The following FOXN3 variants were observed in gnomAD, a reference collection of about 807,000 sequenced individuals.
The protein encoded by FOXN3 is forkhead box N3, also known as forkhead box protein N3.
FOXN3 carries 7 observed loss-of-function variants against 38.4 expected under a neutral mutation model. That is an observed-to-expected ratio of 0.18 (90% CI 0.10 to 0.34). The LOEUF is 0.34. Among genes scored for constraint, FOXN3 ranks in the 10% least tolerant of loss-of-function variants. The pLI is 1.00. For synonymous variants in FOXN3, 230 were observed against 242.2 expected (o/e 0.95, Z 0.47); for missense variants, 456 against 613.4 (o/e 0.74, Z 2.71).
intron 4 of FOXN3, among the ~76,000 whole-genome samples, chr14:89,202,637 A>G (rs1888263675): frequency 6.6e-6 from 1 of 152,100 alleles, no homozygotes; most frequent in African/African-American, 2.4e-5. Flanking sequence ...TGTGGTCATG[A>G]GTGAGTTCTT....
chr14:89,289,395 G>T (rs955375845), intron 3 of FOXN3, among the ~76,000 whole-genome samples: 10 of 152,040 alleles, frequency 6.6e-5, no homozygotes, highest in African/African-American at 2.4e-4. Context: ...AAACATTAAA[G>T]ACACCATTTA....
At position 89,219,182 on chromosome 14, in the gene FOXN3, A is replaced by T. The variant is rs529160448; in HGVS notation, c.746-38376T>A. 4.6e-5 allele frequency among the ~76,000 whole-genome samples: 7 copies of T among 152,248 alleles called. No homozygotes were observed. The South Asian group carries it at 1.5e-3, about 32-fold the overall frequency. On this transcript the variant is annotated intron_variant, in intron 4 of 5. Coordinates refer to ENST00000557258, the MANE Select transcript of FOXN3 (RefSeq NM_005197.4). Reference sequence around the variant, plus strand: ...GGAGGTGGTGGGAGGTGACTGGATCATGGGGGTGGATGTCCCCATCTCGTG... The same window carrying T: ...GGAGGTGGTGGGAGGTGACTGGATCTTGGGGGTGGATGTCCCCATCTCGTG...
At chr14:89,265,216 G>A (rs1365136505) in intron 4 of FOXN3, among the ~76,000 whole-genome samples, 7 of 152,224 alleles carry the variant, frequency 4.6e-5, no homozygotes, top group East Asian at 1.9e-4. Context: ...TTTAAAAACC[G>A]AATTGAAGAG....
chr14:89,363,953 T>TATATA (rs1889993622), intron 2 of FOXN3, among the ~76,000 whole-genome samples: 1 of 3,464 alleles, frequency 2.9e-4, no homozygotes, highest in Non-Finnish European at 3.4e-3. Context: ...GTAAAATATA[T>TATATA]ATATATATAT....
intron 3 of FOXN3, among the ~76,000 whole-genome samples, chr14:89,309,797 A>G (rs1395173885): frequency 1.3e-5 from 2 of 152,218 alleles, no homozygotes; most frequent in Non-Finnish European, 2.9e-5. Flanking sequence ...TTAGTAATGA[A>G]AACCCAATTA....
intron 2 of FOXN3, among the ~76,000 whole-genome samples, chr14:89,393,205 T>G (rs953203553): frequency 2.0e-5 from 3 of 152,164 alleles, no homozygotes; most frequent in Admixed American, 1.3e-4. Flanking sequence ...CCTCTCAAAA[T>G]GCTGGGATTA....
chr14:89,249,682 T>A (rs1885396470), intron 4 of FOXN3, among the ~76,000 whole-genome samples: 1 of 152,164 alleles, frequency 6.6e-6, no homozygotes, highest in Admixed American at 6.5e-5. Flanking sequence ...TCCCTGCTCA[T>A]TCGGGAGAAA....
chr14:89,355,929 G>A (rs749937733), intron 2 of FOXN3, among the ~76,000 whole-genome samples: 1 of 152,062 alleles, frequency 6.6e-6, no homozygotes, highest in African/African-American at 2.4e-5. Context: ...GGATAAGGAG[G>A]CAGGCCCCAT....
intron 3 of FOXN3, among the ~76,000 whole-genome samples, chr14:89,293,552 A>G (rs6575054): frequency 0.83 from 126,501 of 152,134 alleles, 52,650 homozygotes; most frequent in Admixed American, 0.85. Context: ...GCATTCCCCC[A>G]TGTGTACAGC....
At chr14:89,378,001 C>A (rs1441236314) in intron 2 of FOXN3, among the ~76,000 whole-genome samples, 1 of 152,206 alleles carries the variant, frequency 6.6e-6, no homozygotes, top group Admixed American at 6.5e-5. Context: ...AAGAAACCAA[C>A]CCTGCTGACA....
chr14:89,501,501 C>A (rs903690550), intron 1 of FOXN3, among the ~76,000 whole-genome samples: 8 of 152,148 alleles, frequency 5.3e-5, no homozygotes, highest in Non-Finnish European at 7.3e-5. Flanking sequence ...ACCACCTTGA[C>A]CCTGTCCTAA....
At chr14:89,465,233 G>T (rs200879404) in intron 1 of FOXN3, among the ~76,000 whole-genome samples, 4 of 147,410 alleles carry the variant, frequency 2.7e-5, no homozygotes, top group Admixed American at 2.0e-4. Flanking sequence ...GTTTTTTTTT[G>T]TTTTGTTTTG....
chr14:89,589,474 A>AT (rs1384956921), intron 1 of FOXN3, among the ~76,000 whole-genome samples: 1 of 152,132 alleles, frequency 6.6e-6, no homozygotes, highest in African/African-American at 2.4e-5. Flanking sequence ...AGTCCTCACA[A>AT]TTTGAGAATC....
intron 1 of FOXN3, among the ~76,000 whole-genome samples, chr14:89,525,952 C>T (rs552533899): frequency 6.6e-6 from 1 of 151,690 alleles, no homozygotes; most frequent in East Asian, 1.9e-4. Context: ...GAAATGCAGG[C>T]TTGATTTAAC....
intron 1 of FOXN3, among the ~76,000 whole-genome samples, chr14:89,481,391 C>T (rs866608807): frequency 5.9e-5 from 9 of 152,224 alleles, no homozygotes; most frequent in South Asian, 4.1e-4. Context: ...CTCTGGAAAA[C>T]GACGTAGTGA....
At chr14:89,295,430 G>A (rs553592293) in intron 3 of FOXN3, among the ~76,000 whole-genome samples, 5 of 152,260 alleles carry the variant, frequency 3.3e-5, no homozygotes, top group Admixed American at 6.5e-5. Context: ...CAGACGTCAC[G>A]TGAGCAGAGG....
chr14:89,379,420 T>C lies in FOXN3; in HGVS notation c.544-28612A>G, dbSNP rs150640706. On this transcript the variant is annotated intron_variant, in intron 2 of 5. Transcript: ENST00000557258. ...TGTGTGGGAGCTGTCCTGTGTATTG[T>C]AGGACACTGAGCAGCATCAATGGCC... 5.1e-3 allele frequency among the ~76,000 whole-genome samples: 769 copies of C among 152,256 alleles called. 13 individuals carry two copies. The highest frequency in any genetic ancestry group is 0.017 in the African/African-American group (716 of 41,544).
At chr14:89,308,420 G>A (rs1262506860) in intron 3 of FOXN3, among the ~76,000 whole-genome samples, 2 of 152,260 alleles carry the variant, frequency 1.3e-5, no homozygotes, top group Non-Finnish European at 2.9e-5. Context: ...GCAGATGCAC[G>A]CACTTGCTGT....
At position 89,398,306 on chromosome 14, in the gene FOXN3, G is replaced by A. The variant is rs80095794; in HGVS notation, c.543+13628C>T. On this transcript the variant is annotated intron_variant, in intron 2 of 5. Coordinates refer to ENST00000557258, the MANE Select transcript of FOXN3 (RefSeq NM_005197.4). Reference sequence around the variant, plus strand: ...CGGGCTAGTGCATAACAGTCAGCAAGAACTATTACCAAACCTCCTGATCTT... The same window carrying A: ...CGGGCTAGTGCATAACAGTCAGCAAAAACTATTACCAAACCTCCTGATCTT... Among the ~76,000 whole-genome samples the A allele has an allele frequency of 2.7e-4, 41 of 152,320 alleles. No individual in the cohort carries two copies. In the East Asian group the frequency reaches 7.9e-3, roughly 29 times the overall value.
Sources: allele counts gnomAD v4.1 joint callset (sites outside exome capture counted in the v4.1 genomes callset), GRCh38; gene constraint gnomAD v4.1.1; transcripts MANE v1.5; gene names NCBI Gene and HGNC (gene_info 2026-07-23, HGNC 2026-07-21).